The following SRBD1 variants were observed in gnomAD, a reference collection of about 807,000 sequenced individuals.
SRBD1 encodes the protein S1 RNA binding domain 1.
In SRBD1, 88 loss-of-function variants were observed where a neutral mutation model predicts 115.3. That is an observed-to-expected ratio of 0.76 (90% CI 0.64 to 0.91). SRBD1 has a LOEUF of 0.91. Ranked by LOEUF, SRBD1 falls within the 40% of genes least tolerant of loss-of-function variation. The pLI, the probability that SRBD1 is intolerant of heterozygous loss-of-function variation, is 0.00. For missense variants in SRBD1, 1,385 were observed against 1,177.4 expected, an observed-to-expected ratio of 1.18 and a Z score of -2.58; for synonymous variants, 509 against 407.7, an observed-to-expected ratio of 1.25 and a Z score of -2.99.
chr2:45,394,724 T>A (rs1304186731), intron 19 of SRBD1, among the ~76,000 whole-genome samples: 1 of 152,236 alleles, frequency 6.6e-6, no homozygotes, highest in Non-Finnish European at 1.5e-5. Flanking sequence ...TCTCTTTGAA[T>A]TCAAATGTGC....
chr2:45,539,576 C>G (rs4952766), intron 14 of SRBD1, among the ~76,000 whole-genome samples: 120,748 of 152,152 alleles, frequency 0.79, 48,625 homozygotes, highest in African/African-American at 0.91. Flanking sequence ...GCTGATGTAG[C>G]GGGGAACTAC....
At chr2:45,397,966 G>A (rs189161266) in intron 19 of SRBD1, among the ~76,000 whole-genome samples, 3 of 152,250 alleles carry the variant, frequency 2.0e-5, no homozygotes, top group African/African-American at 7.2e-5. Context: ...AACAATCTAT[G>A]CTGGTGCAAA....
At chr2:45,481,594 T>G (rs1669965001) in intron 15 of SRBD1, among the ~76,000 whole-genome samples, 3 of 152,146 alleles carry the variant, frequency 2.0e-5, no homozygotes, top group South Asian at 4.1e-4. Flanking sequence ...TAGTTACATG[T>G]GCCCCAATTT....
At chr2:45,508,942 A>T (rs1180858344) in intron 14 of SRBD1, among the ~76,000 whole-genome samples, 1 of 152,188 alleles carries the variant, frequency 6.6e-6, no homozygotes, top group Non-Finnish European at 1.5e-5. Flanking sequence ...GAGAAAGAAA[A>T]AAAGCAGACA....
chr2:45,599,265 A>C (rs999295058), intron 4 of SRBD1, among the ~76,000 whole-genome samples, 184 bp downstream of exon 4: 1 of 152,228 alleles, frequency 6.6e-6, no homozygotes, highest in African/African-American at 2.4e-5. Flanking sequence ...AGAACTGATG[A>C]TTAGCTACAA....
At chr2:45,398,523 T>C (rs991897070) in intron 19 of SRBD1, among the ~76,000 whole-genome samples, 1 of 152,226 alleles carries the variant, frequency 6.6e-6, no homozygotes, top group Non-Finnish European at 1.5e-5. Context: ...AGATCTGTTA[T>C]ACATGTACAG....
intron 16 of SRBD1, chr2:45,447,831 T>A (rs1226731929): frequency 1.8e-4 from 27 of 152,220 alleles, no homozygotes; most frequent in Admixed American, 1.8e-3. Flanking sequence ...TATAATTTTA[T>A]ATAAGTGTAC....
chr2:45,528,181 T>A (rs1221283370), intron 14 of SRBD1, among the ~76,000 whole-genome samples: 2 of 151,878 alleles, frequency 1.3e-5, no homozygotes, highest in South Asian at 2.1e-4. Flanking sequence ...AATGGCATAA[T>A]GTAAAAATAA....
intron 16 of SRBD1, among the ~76,000 whole-genome samples, chr2:45,446,939 C>T (rs1668842982): frequency 6.6e-6 from 1 of 152,278 alleles, no homozygotes; most frequent in African/African-American, 2.4e-5. Context: ...TTTCAACATG[C>T]ATGAACTTAG....
intron 16 of SRBD1, among the ~76,000 whole-genome samples, chr2:45,457,263 A>G (rs949811883): frequency 2.0e-5 from 3 of 151,976 alleles, no homozygotes; most frequent in Admixed American, 6.6e-5. Flanking sequence ...TTGGGAAGCT[A>G]AAATTAAAAA....
chr2:45,418,301 A>C, intron 18 of SRBD1, 64 bp downstream of exon 18: 1 of 1,563,628 alleles, frequency 6.4e-7, no homozygotes, highest in South Asian at 1.2e-5. Flanking sequence ...AATCAGTGGT[A>C]GGATAGGTAA....
intron 16 of SRBD1, among the ~76,000 whole-genome samples, chr2:45,469,136 T>C (rs1669576300): frequency 6.6e-6 from 1 of 152,198 alleles, no homozygotes; most frequent in Non-Finnish European, 1.5e-5. Context: ...GTAAATATAA[T>C]ACCTTCTCCC....
chr2:45,591,707 C>T (rs1179255335), intron 4 of SRBD1, among the ~76,000 whole-genome samples: 2 of 152,140 alleles, frequency 1.3e-5, no homozygotes, highest in Non-Finnish European at 2.9e-5. Flanking sequence ...AGCCCCCCTC[C>T]CCAACTAGGA....
Position 45,389,460 on chromosome 2 carries a change from A to G in SRBD1, c.2838T>C (p.Ile946=). Residue 946 remains isoleucine (I), a synonymous_variant, in exon 21 of 21, where the codon ATT becomes ATC. Coordinates refer to ENST00000263736, the MANE Select transcript of SRBD1 (RefSeq NM_018079.5). The part of the protein sequence containing the change: ...VDIGVGKSGL[I]PIRNVTEAKL... ...TTGCTTCTGTTACATTTCGTATGGG[A>G]ATCAGCCCAGATTTCCCCACTCCTA... The G allele has an allele frequency of 6.2e-7, 1 of 1,614,080 alleles. No individual in the cohort carries two copies. The highest frequency in any genetic ancestry group is 1.1e-5 in the South Asian group (1 of 91,082).
intron 14 of SRBD1, among the ~76,000 whole-genome samples, chr2:45,516,414 A>G (rs1409966212): frequency 1.3e-5 from 2 of 152,216 alleles, no homozygotes; most frequent in African/African-American, 4.8e-5. Flanking sequence ...CTATTCGGCC[A>G]TCCTTAAAAA....
intron 14 of SRBD1, among the ~76,000 whole-genome samples, chr2:45,536,961 A>G (rs1671781837): frequency 6.6e-6 from 1 of 152,220 alleles, no homozygotes; most frequent in Admixed American, 6.5e-5. Flanking sequence ...ACACATATAT[A>G]CATGTAACCA....
intron 13 of SRBD1, 76 bp from the exon 14 acceptor site, chr2:45,546,915 G>A (rs1672138948): frequency 2.3e-6 from 3 of 1,290,774 alleles, no homozygotes; most frequent in Admixed American, 3.4e-5. Flanking sequence ...TGTACAGAAT[G>A]CACAAATACT....
At chr2:45,576,266 C>G (rs1673173370) in intron 7 of SRBD1, among the ~76,000 whole-genome samples, 1 of 152,030 alleles carries the variant, frequency 6.6e-6, no homozygotes, top group Non-Finnish European at 1.5e-5. Context: ...TTTTTTCTAG[C>G]TTACCTTATT....
intron 9 of SRBD1, among the ~76,000 whole-genome samples, chr2:45,564,657 T>TA (rs1672771694): frequency 6.6e-6 from 1 of 152,110 alleles, no homozygotes; most frequent in South Asian, 2.1e-4. Flanking sequence ...CCAAAAGGAA[T>TA]AAAATACTTA....
Sources: gnomAD v4.1 joint callset for allele counts (sites outside exome capture counted in the v4.1 genomes callset) on GRCh38, gnomAD v4.1.1 for gene constraint, MANE v1.5 for transcripts, NCBI Gene and HGNC (gene_info 2026-07-23, HGNC 2026-07-21) for gene names.